CHST9: variants seen among roughly 807,000 people sequenced by gnomAD.
CHST9 encodes GalNAc-4-sulfotransferase 2.
In CHST9, 41 loss-of-function variants were observed where a neutral mutation model predicts 44.4. The ratio of observed to expected loss-of-function variants is 0.92; its 90% CI spans 0.72 to 1.20. The LOEUF (loss-of-function observed/expected upper bound fraction) is 1.20, where lower values mean the gene tolerates loss of function less well. CHST9 is among the 50% of genes most tolerant of loss of function. CHST9 has a pLI of 0.00. For missense variants in CHST9, 504 were observed against 516.5 expected (o/e 0.98, Z 0.23); for synonymous variants, 171 against 178.4 (o/e 0.96, Z 0.33).
chr18:26,916,566 C>T lies in CHST9; in HGVS notation c.1025G>A (p.Arg342His), dbSNP rs369998401. ...EFIHYLLDSH[R>H]PVGMDIHWEK... Reference sequence around the variant, plus strand: ...CCAGTGAATGTCCATTCCTACTGGACGGTGGGAATCCAGCAAGTAGTGGAT... The same window carrying T: ...CCAGTGAATGTCCATTCCTACTGGATGGTGGGAATCCAGCAAGTAGTGGAT... The change falls in exon 6 of 6, where the codon CGT becomes CAT. Residue 342 changes from arginine (R) to histidine (H), a missense_variant. Transcript: ENST00000618847. The T allele has an allele frequency of 7.7e-5, 124 of 1,613,762 alleles. No homozygotes were observed. In the South Asian group the frequency reaches 8.2e-4, roughly 11 times the overall value.
intron 2 of CHST9, among the ~76,000 whole-genome samples, chr18:27,084,723 C>T (rs1413859245): frequency 5.9e-5 from 9 of 151,448 alleles, no homozygotes; most frequent in Non-Finnish European, 1.2e-4. Context: ...TTTTTGTATT[C>T]CCACATCCCA....
intron 4 of CHST9, among the ~76,000 whole-genome samples, chr18:26,992,649 G>A (rs546580976): frequency 1.3e-5 from 2 of 151,276 alleles, no homozygotes; most frequent in African/African-American, 4.9e-5. Context: ...ATGTGATTTT[G>A]TGTGCCTTGA....
At chr18:26,985,332 C>G (rs898186147) in intron 4 of CHST9, among the ~76,000 whole-genome samples, 1 of 152,192 alleles carries the variant, frequency 6.6e-6, no homozygotes, top group Non-Finnish European at 1.5e-5. Context: ...ATAACTGGGA[C>G]CAAATTTATT....
intron 4 of CHST9, among the ~76,000 whole-genome samples, chr18:26,967,187 C>G (rs1436599458): frequency 6.6e-6 from 1 of 152,048 alleles, no homozygotes; most frequent in African/African-American, 2.4e-5. Flanking sequence ...AGTCACACCC[C>G]CTATGTCTTT....
chr18:26,916,398 C>G lies in CHST9; in HGVS notation c.1193G>C (p.Arg398Thr). The change falls in exon 6 of 6, where the codon AGG becomes ACG. Residue 398 changes from arginine (R) to threonine (T), a missense_variant. Coordinates refer to ENST00000618847, the MANE Select transcript of CHST9 (RefSeq NM_031422.6). The part of the protein sequence containing the change: ...KELKFPNFKD[R>T]HSSDERTNAQ... ...ATTGGTTCTTTCATCGGAAGAGTGC[C>G]TATCCTTAAAGTTGGGAAATTTCAG... 1.2e-6 allele frequency: 2 copies of G among 1,613,806 alleles called. No homozygotes were observed. The highest frequency in any genetic ancestry group is 4.5e-5 in the East Asian group (2 of 44,874).
intron 2 of CHST9, among the ~76,000 whole-genome samples, chr18:27,130,127 A>G (rs914052307): frequency 6.6e-6 from 1 of 152,182 alleles, no homozygotes; most frequent in African/African-American, 2.4e-5. Flanking sequence ...GGCTGGGACT[A>G]GATGGTGCTT....
intron 2 of CHST9, among the ~76,000 whole-genome samples, chr18:27,136,564 C>T (rs1056054344): frequency 2.6e-5 from 4 of 152,168 alleles, no homozygotes; most frequent in African/African-American, 9.7e-5. Context: ...TTTGCTTAGC[C>T]TCAGTTTTCT....
chr18:27,002,829 A>G (rs2056969500), intron 4 of CHST9, among the ~76,000 whole-genome samples: 1 of 152,196 alleles, frequency 6.6e-6, no homozygotes, highest in South Asian at 2.1e-4. Flanking sequence ...TAAAGTAATG[A>G]CTGTGTGAAT....
At chr18:26,986,560 G>C (rs145465525) in intron 4 of CHST9, among the ~76,000 whole-genome samples, 109 of 152,192 alleles carry the variant, frequency 7.2e-4, no homozygotes, top group African/African-American at 2.6e-3. Flanking sequence ...AAAACTTTAA[G>C]TTCAGAGATC....
chr18:27,115,323 C>A (rs1227580482), intron 2 of CHST9, among the ~76,000 whole-genome samples: 2 of 152,066 alleles, frequency 1.3e-5, no homozygotes, highest in Non-Finnish European at 2.9e-5. Context: ...CATAAACATT[C>A]ATGTACAAAT....
intron 2 of CHST9, among the ~76,000 whole-genome samples, chr18:27,052,481 G>A (rs979138207): frequency 2.0e-5 from 3 of 151,982 alleles, no homozygotes; most frequent in Non-Finnish European, 4.4e-5. Flanking sequence ...TCCTTCTTTA[G>A]TATCTTTATC....
intron 2 of CHST9, among the ~76,000 whole-genome samples, chr18:27,052,094 C>T (rs1001819767): frequency 2.0e-5 from 3 of 151,862 alleles, no homozygotes; most frequent in South Asian, 2.1e-4. Flanking sequence ...ATGAAGACCT[C>T]GAACAATTCT....
intron 4 of CHST9, among the ~76,000 whole-genome samples, chr18:27,001,516 C>T (rs890866988): frequency 2.6e-5 from 4 of 152,140 alleles, no homozygotes; most frequent in Non-Finnish European, 5.9e-5. Context: ...GGATGTGGAA[C>T]TAGTTAAGAG....
At chr18:27,109,742 G>C (rs919140) in intron 2 of CHST9, among the ~76,000 whole-genome samples, 47,823 of 151,966 alleles carry the variant, frequency 0.31, 8,182 homozygotes, top group Non-Finnish European at 0.39. Flanking sequence ...GGGGCTCCTG[G>C]TGAATTATAA....
chr18:27,047,388 TTGTG>T lies in CHST9; in HGVS notation c.160+1073_160+1076del, dbSNP rs55698484. On this transcript the variant is annotated intron_variant, in intron 3 of 5. Coordinates refer to ENST00000618847, the MANE Select transcript of CHST9 (RefSeq NM_031422.6). ...CTCAGACACTTTCTTGCCTTCATAATTGTGTGTGTGTGTGTGTGTGTGTGTGTGT... is the reference window on the plus strand; with the variant it reads ...CTCAGACACTTTCTTGCCTTCATAATTGTGTGTGTGTGTGTGTGTGTGTGT... Among the ~76,000 whole-genome samples the T allele has an allele frequency of 3.6e-3, 529 of 145,628 alleles. 3 individuals are homozygous for T. The highest frequency in any genetic ancestry group is 0.013 in the African/African-American group (494 of 39,118).
chr18:26,953,402 T>TG (rs1233825497), intron 4 of CHST9, among the ~76,000 whole-genome samples: 2 of 152,122 alleles, frequency 1.3e-5, no homozygotes, highest in African/African-American at 2.4e-5. Context: ...ATAGACAATT[T>TG]GGGGGGCAAT....
intron 3 of CHST9, among the ~76,000 whole-genome samples, chr18:27,039,434 T>C (rs540984829): frequency 2.7e-5 from 4 of 148,610 alleles, no homozygotes; most frequent in African/African-American, 7.3e-5. Flanking sequence ...ATTCTACTTA[T>C]ATAAATTACC....
At chr18:27,136,892 A>G (rs2058517377) in intron 2 of CHST9, among the ~76,000 whole-genome samples, 1 of 152,230 alleles carries the variant, frequency 6.6e-6, no homozygotes, top group South Asian at 2.1e-4. Flanking sequence ...GGAATGGCTC[A>G]AACTAAACTT....
intron 2 of CHST9, among the ~76,000 whole-genome samples, chr18:27,141,087 G>A (rs548449340): frequency 2.0e-5 from 3 of 152,236 alleles, no homozygotes; most frequent in Non-Finnish European, 2.9e-5. Context: ...GGCGGGGCAC[G>A]GTGGCTCACG....
Sources: gnomAD v4.1 joint callset for allele counts (sites outside exome capture counted in the v4.1 genomes callset) on GRCh38, gnomAD v4.1.1 for gene constraint, MANE v1.5 for transcripts, NCBI Gene and HGNC (gene_info 2026-07-23, HGNC 2026-07-21) for gene names.